KYAT3: variants seen among roughly 807,000 people sequenced by gnomAD.
KYAT3 encodes kynurenine aminotransferase 3.
In KYAT3, 50 loss-of-function variants were observed where a neutral mutation model predicts 59.0. The observed-to-expected ratio is 0.85, with a 90% CI of 0.68 to 1.07. KYAT3 has a LOEUF of 1.07. KYAT3 is among the 50% of genes least tolerant of loss of function. KYAT3 has a pLI of 0.00. For missense variants in KYAT3, 497 were observed against 533.3 expected (o/e 0.93, Z 0.67); for synonymous variants, 148 against 177.0 (o/e 0.84, Z 1.30).
intron 5 of KYAT3, 144 bp downstream of exon 5, chr1:88,964,685 T>G (rs758718033): frequency 1.4e-6 from 1 of 690,384 alleles, no homozygotes; most frequent in Non-Finnish European, 2.5e-6. Flanking sequence ...CATTTAAGAT[T>G]TGTGAACTTT....
rs377541305 is a variant in KYAT3 at position 88,955,988 on chromosome 1, C to A, written c.788-763G>T. On this transcript the variant is annotated intron_variant, in intron 8 of 13. Coordinates refer to ENST00000260508, the MANE Select transcript of KYAT3 (RefSeq NM_001008661.3). ...TAGATCTGTGCAACTATCACCATAACCAATTTCAGAACACTTTTTTTATCT... is the reference window on the plus strand; with the variant it reads ...TAGATCTGTGCAACTATCACCATAAACAATTTCAGAACACTTTTTTTATCT... Among the ~76,000 whole-genome samples, 5 of 152,252 alleles carry A rather than the reference C, an allele frequency of 3.3e-5. 1 individual carries two copies. The highest frequency in any genetic ancestry group is 3.4e-3 in the Middle Eastern group (1 of 294).
intron 8 of KYAT3, 72 bp from the exon 9 acceptor site, chr1:88,955,297 A>G (rs35387101): frequency 1.2e-6 from 1 of 860,284 alleles, no homozygotes; most frequent in African/African-American, 1.7e-5. Context: ...TAAAAACATA[A>G]CAAAGATACA....
chr1:88,952,581 T>C (rs577231586), intron 10 of KYAT3, among the ~76,000 whole-genome samples: 2 of 152,314 alleles, frequency 1.3e-5, no homozygotes, highest in African/African-American at 4.8e-5. Context: ...CCTTCCACCA[T>C]TATTGTAAGT....
At chr1:88,972,641 C>G (rs540458701) in intron 2 of KYAT3, among the ~76,000 whole-genome samples, 42 of 152,336 alleles carry the variant, frequency 2.8e-4, no homozygotes, top group African/African-American at 8.7e-4. Flanking sequence ...GTCTGTGTCA[C>G]TGTCATTCTG....
chr1:88,936,531 C>T (rs1415145474), intron 13 of KYAT3, among the ~76,000 whole-genome samples: 2 of 152,190 alleles, frequency 1.3e-5, no homozygotes, highest in Non-Finnish European at 2.9e-5. Context: ...CCTCTACCTT[C>T]AAGATAACCT....
intron 8 of KYAT3, among the ~76,000 whole-genome samples, chr1:88,955,659 T>G (rs906477200): frequency 6.6e-6 from 1 of 152,196 alleles, no homozygotes; most frequent in Non-Finnish European, 1.5e-5. Flanking sequence ...TTGCCTATTT[T>G]CTGAGTGTAT....
At chr1:88,951,514 C>T (rs769055988) in intron 10 of KYAT3, among the ~76,000 whole-genome samples, 3 of 152,012 alleles carry the variant, frequency 2.0e-5, no homozygotes, top group African/African-American at 7.2e-5. Flanking sequence ...GGATTATAGG[C>T]GTGAGCCATT....
At chr1:88,939,043 T>A (rs1675141183) in intron 13 of KYAT3, among the ~76,000 whole-genome samples, 1 of 152,194 alleles carries the variant, frequency 6.6e-6, no homozygotes, top group Non-Finnish European at 1.5e-5. Flanking sequence ...TTTTACAAAT[T>A]ATACTCCCAC....
chr1:88,951,999 C>T (rs540507042), intron 10 of KYAT3, among the ~76,000 whole-genome samples: 3 of 152,180 alleles, frequency 2.0e-5, no homozygotes, highest in South Asian at 2.1e-4. Context: ...AATGTGTTGA[C>T]GGAAGCAGAG....
chr1:88,927,988 T>G, the KYAT3 span, among the ~76,000 whole-genome samples: 1 of 152,270 alleles, frequency 6.6e-6, no homozygotes, highest in East Asian at 1.9e-4. Context: ...AGCAGGCAGT[T>G]CCCACTGTAG....
intron 2 of KYAT3, among the ~76,000 whole-genome samples, chr1:88,986,132 GAT>G (rs1248389482): frequency 3.3e-5 from 5 of 151,494 alleles, no homozygotes; most frequent in Non-Finnish European, 1.5e-5. Context: ...AGTGAGCCGA[GAT>G]TGCGCCATTG....
chr1:88,958,655 A>G (rs1177388684), intron 8 of KYAT3, among the ~76,000 whole-genome samples: 2 of 152,252 alleles, frequency 1.3e-5, no homozygotes, highest in Non-Finnish European at 2.9e-5. Context: ...TAGTAAATGC[A>G]TATTAATGGC....
chr1:88,961,102 C>T, intron 8 of KYAT3, 65 bp downstream of exon 8: 1 of 1,573,580 alleles, frequency 6.4e-7, no homozygotes, highest in Non-Finnish European at 8.7e-7. Flanking sequence ...GGGATGCTTT[C>T]CAATCAGTTC....
intron 2 of KYAT3, among the ~76,000 whole-genome samples, chr1:88,973,228 C>G (rs1244631175): frequency 6.6e-6 from 1 of 152,206 alleles, no homozygotes; most frequent in Non-Finnish European, 1.5e-5. Flanking sequence ...TCAGAAGGAA[C>G]TGGCCATGCT....
At chr1:88,982,635 T>G (rs760470330) in intron 2 of KYAT3, 52 of 1,572,704 alleles carry the variant, frequency 3.3e-5, no homozygotes, top group Non-Finnish European at 4.3e-5. Flanking sequence ...GGGATTTTGG[T>G]CCAAAGTTTT....
intron 12 of KYAT3, 35 bp downstream of exon 12, chr1:88,943,315 T>C (rs745885198): frequency 7.9e-7 from 1 of 1,272,992 alleles, no homozygotes; most frequent in Non-Finnish European, 1.1e-6. Flanking sequence ...AACTATAAAA[T>C]ATAACAGAAT....
chr1:88,922,563 C>A, the KYAT3 span, among the ~76,000 whole-genome samples: 3 of 152,058 alleles, frequency 2.0e-5, no homozygotes, highest in African/African-American at 7.2e-5. Context: ...ACTGTGCATG[C>A]GAAGGATCTG....
At chr1:88,926,487 T>A in the KYAT3 span, among the ~76,000 whole-genome samples, 1 of 152,210 alleles carries the variant, frequency 6.6e-6, no homozygotes, top group African/African-American at 2.4e-5. Context: ...TTAATTTTTC[T>A]TTACTTTTTG....
intron 10 of KYAT3, 151 bp from the exon 11 acceptor site, chr1:88,949,428 T>C: frequency 1.9e-6 from 1 of 529,500 alleles, no homozygotes; most frequent in South Asian, 3.3e-5. Context: ...TGAACCTATA[T>C]TAAACTCTAT....
Sources: gnomAD v4.1 joint callset for allele counts (sites outside exome capture counted in the v4.1 genomes callset) on GRCh38, gnomAD v4.1.1 for gene constraint, MANE v1.5 for transcripts, NCBI Gene and HGNC (gene_info 2026-07-23, HGNC 2026-07-21) for gene names.